UVRAG: variants seen among roughly 807,000 people sequenced by gnomAD.
UVRAG encodes UV radiation resistance associated.
A neutral mutation model predicts 78.0 loss-of-function variants in UVRAG; 19 were observed. That is an observed-to-expected ratio of 0.24 (90% CI 0.17 to 0.36). The LOEUF (loss-of-function observed/expected upper bound fraction) is 0.36, where lower values mean the gene tolerates loss of function less well. Ranked by LOEUF, UVRAG falls within the 10% of genes least tolerant of loss-of-function variation. The pLI is 1.00. For synonymous variants in UVRAG, 323 were observed against 324.6 expected (o/e 1.00, Z 0.05); for missense variants, 740 against 853.8 (o/e 0.87, Z 1.66).
chr11:76,119,416 A>G (rs749920641), intron 14 of UVRAG, among the ~76,000 whole-genome samples: 5 of 151,930 alleles, frequency 3.3e-5, no homozygotes, highest in Non-Finnish European at 4.4e-5. Context: ...TGTTATGCTT[A>G]TGACTCCCAA....
chr11:75,860,872 G>C (rs1404565365), intron 2 of UVRAG, among the ~76,000 whole-genome samples: 2 of 151,416 alleles, frequency 1.3e-5, no homozygotes, highest in Non-Finnish European at 2.9e-5. Context: ...TGCAGCCTCT[G>C]TCTCCTGGGT....
intron 12 of UVRAG, among the ~76,000 whole-genome samples, chr11:76,058,294 G>A (rs1951019405): frequency 6.6e-6 from 1 of 152,052 alleles, no homozygotes; most frequent in Non-Finnish European, 1.5e-5. Context: ...ACTTTGGGAG[G>A]CTGAAGTGGG....
rs753171712 is a variant in UVRAG, at chr11:76,065,554, A to T, written c.1227-156A>T. Among the ~76,000 whole-genome samples, 8 of 152,350 alleles carry T rather than the reference A, an allele frequency of 5.3e-5. No individual in the cohort carries two copies. In the Middle Eastern group the frequency reaches 0.01, roughly 194 times the overall value. ...CCGTTATTCTGACTTAATTAATATT[A>T]TGAAGATGTCAGTAGATTGCAATGA... is the stretch of plus-strand genomic sequence containing the variant. On this transcript the variant is annotated intron_variant, in intron 12 of 14. Coordinates refer to ENST00000356136, the MANE Select transcript of UVRAG (RefSeq NM_003369.4).
intron 6 of UVRAG, among the ~76,000 whole-genome samples, chr11:75,924,753 G>A (rs947342808): frequency 6.6e-6 from 1 of 152,148 alleles, no homozygotes; most frequent in African/African-American, 2.4e-5. Context: ...AGGACTTACT[G>A]ATAGATCTCA....
chr11:76,006,281 T>C (rs1173264041), intron 9 of UVRAG, among the ~76,000 whole-genome samples: 1 of 152,148 alleles, frequency 6.6e-6, no homozygotes, highest in Non-Finnish European at 1.5e-5. Context: ...TAAATTCCTT[T>C]TGTTCTTAAA....
At chr11:76,004,849 T>C (rs2135336631) in intron 9 of UVRAG, among the ~76,000 whole-genome samples, 1 of 152,280 alleles carries the variant, frequency 6.6e-6, no homozygotes, top group South Asian at 2.1e-4. Context: ...TGTAATAAAT[T>C]GGCACCTTGC....
chr11:75,816,512 G>C (rs1945266577), intron 1 of UVRAG, among the ~76,000 whole-genome samples: 1 of 152,186 alleles, frequency 6.6e-6, no homozygotes, highest in African/African-American at 2.4e-5. Flanking sequence ...TTGTGCAAAG[G>C]GCTCAGTGGC....
chr11:76,030,298 G>T (rs1950411121), intron 12 of UVRAG, among the ~76,000 whole-genome samples: 1 of 152,084 alleles, frequency 6.6e-6, no homozygotes, highest in African/African-American at 2.4e-5. Flanking sequence ...CTCCCAAAAT[G>T]CTGGGATTAC....
intron 13 of UVRAG, among the ~76,000 whole-genome samples, chr11:76,084,885 C>A (rs990593159): frequency 9.2e-5 from 14 of 151,516 alleles, no homozygotes; most frequent in Non-Finnish European, 1.8e-4. Context: ...AATGTGAAAC[C>A]CCATTTCTAC....
intron 13 of UVRAG, among the ~76,000 whole-genome samples, chr11:76,079,269 A>G (rs578051032): frequency 6.6e-6 from 1 of 152,270 alleles, no homozygotes; most frequent in East Asian, 1.9e-4. Context: ...GGATCACTTG[A>G]GCTCAGGAGT....
chr11:75,986,695 T>C (rs1949507439), intron 8 of UVRAG, among the ~76,000 whole-genome samples: 1 of 152,198 alleles, frequency 6.6e-6, no homozygotes, highest in African/African-American at 2.4e-5. Flanking sequence ...CACAGAGTTG[T>C]GCAGTGATCA....
chr11:76,006,729 T>C (rs1258147231), intron 9 of UVRAG, among the ~76,000 whole-genome samples: 1 of 151,556 alleles, frequency 6.6e-6, no homozygotes, highest in African/African-American at 2.4e-5. Flanking sequence ...TTTTATTTGT[T>C]GTTTTTACTT....
At chr11:76,060,643 G>A (rs1341585970) in intron 12 of UVRAG, among the ~76,000 whole-genome samples, 6 of 152,206 alleles carry the variant, frequency 3.9e-5, no homozygotes, top group African/African-American at 1.4e-4. Flanking sequence ...TGGGTTTGGC[G>A]GCCCCGCACT....
chr11:75,890,458 C>T (rs1189981246), intron 5 of UVRAG, among the ~76,000 whole-genome samples: 2 of 152,136 alleles, frequency 1.3e-5, no homozygotes, highest in East Asian at 3.9e-4. Flanking sequence ...AAGGAGGTGT[C>T]ATGGATGACT....
chr11:76,043,342 C>T (rs902910789), intron 12 of UVRAG, among the ~76,000 whole-genome samples: 1 of 152,066 alleles, frequency 6.6e-6, no homozygotes, highest in Admixed American at 6.5e-5. Flanking sequence ...TAATATTTCT[C>T]AGCAAATGAA....
At chr11:76,076,093 T>G (rs1236530375) in intron 13 of UVRAG, among the ~76,000 whole-genome samples, 1 of 152,190 alleles carries the variant, frequency 6.6e-6, no homozygotes, top group East Asian at 1.9e-4. Flanking sequence ...GTTTTCATTA[T>G]TTTGGGGTGT....
At chr11:75,985,654 C>T (rs1949486793) in intron 8 of UVRAG, among the ~76,000 whole-genome samples, 1 of 151,940 alleles carries the variant, frequency 6.6e-6, no homozygotes, top group Non-Finnish European at 1.5e-5. Flanking sequence ...AAATACTTTA[C>T]TATTTTACTT....
chr11:76,036,897 G>T (rs991931288), intron 12 of UVRAG, among the ~76,000 whole-genome samples: 26 of 152,086 alleles, frequency 1.7e-4, no homozygotes, highest in Admixed American at 1.6e-3. Flanking sequence ...AAAAAGAAAT[G>T]GGAAAACTGA....
chr11:76,068,755 C>G (rs1013526945), intron 13 of UVRAG, among the ~76,000 whole-genome samples: 1 of 152,162 alleles, frequency 6.6e-6, no homozygotes, highest in African/African-American at 2.4e-5. Flanking sequence ...ATGAAAGAAC[C>G]ATTAATTGTT....
Sources: allele counts gnomAD v4.1 joint callset (sites outside exome capture counted in the v4.1 genomes callset), GRCh38; gene constraint gnomAD v4.1.1; transcripts MANE v1.5; gene names NCBI Gene and HGNC (gene_info 2026-07-23, HGNC 2026-07-21).